Variants in NVL observed in about 807,000 individuals in gnomAD.
NVL encodes the protein nuclear valosin-containing protein-like.
Under a neutral mutation model 110.2 loss-of-function variants are expected in NVL, and 84 were observed. The ratio of observed to expected loss-of-function variants is 0.76; its 90% CI spans 0.64 to 0.91. NVL has a LOEUF of 0.91. Ranked by LOEUF, NVL falls within the 40% of genes least tolerant of loss-of-function variation. The pLI, the probability that NVL is intolerant of heterozygous loss-of-function variation, is 0.00. For missense variants in NVL, 882 were observed against 1,035.9 expected (o/e 0.85, Z 2.04); for synonymous variants, 354 against 361.1 (o/e 0.98, Z 0.22).
intron 5 of NVL, among the ~76,000 whole-genome samples, chr1:224,310,819 C>T (rs1040963942): frequency 1.6e-4 from 25 of 152,060 alleles, no homozygotes; most frequent in African/African-American, 6.0e-4. Flanking sequence ...CAGCCTCAAA[C>T]TCCTGGGCTC....
intron 12 of NVL, among the ~76,000 whole-genome samples, chr1:224,291,752 A>G (rs574518881): frequency 6.6e-6 from 1 of 152,366 alleles, no homozygotes; most frequent in East Asian, 1.9e-4. Flanking sequence ...TAAAGTTGAA[A>G]AACTATAAGC....
intron 13 of NVL, among the ~76,000 whole-genome samples, 191 bp from the exon 14 acceptor site, chr1:224,288,184 C>G (rs933908571): frequency 6.6e-6 from 1 of 152,076 alleles, no homozygotes; most frequent in African/African-American, 2.4e-5. Flanking sequence ...ATGCTCTGGT[C>G]AAGTAAAGAT....
At chr1:224,276,389 C>A (rs1162285681) in intron 16 of NVL, among the ~76,000 whole-genome samples, 1 of 152,066 alleles carries the variant, frequency 6.6e-6, no homozygotes, top group Non-Finnish European at 1.5e-5. Context: ...GGCATACCAC[C>A]ACTACCACCT....
At chr1:224,238,420 C>T (rs1022366464) in intron 19 of NVL, among the ~76,000 whole-genome samples, 2 of 152,174 alleles carry the variant, frequency 1.3e-5, no homozygotes, top group African/African-American at 4.8e-5. Flanking sequence ...CTGGAGCTGC[C>T]GGCCTTGTGC....
chr1:224,239,566 G>A (rs540205293), intron 19 of NVL, among the ~76,000 whole-genome samples: 1 of 152,236 alleles, frequency 6.6e-6, no homozygotes, highest in East Asian at 1.9e-4. Context: ...TCTTCCCTAA[G>A]GACACTCCGC....
intron 17 of NVL, among the ~76,000 whole-genome samples, chr1:224,274,779 C>G (rs1665583414): frequency 6.6e-6 from 1 of 152,160 alleles, no homozygotes; most frequent in African/African-American, 2.4e-5. Context: ...TTCTGGTACT[C>G]CGTACTGAAA....
chr1:224,286,011 G>C lies in NVL; in HGVS notation c.1899+15C>G. On this transcript the variant is annotated intron_variant, in intron 15 of 22. Coordinates refer to ENST00000281701, the MANE Select transcript of NVL (RefSeq NM_002533.4). ...ACTAAGAAATAAATTACATGCAATT[G>C]AACTTATATGATACCTTCGCCAGCA... 1 of 1,581,030 alleles carries C rather than the reference G, an allele frequency of 6.3e-7. No individual in the cohort carries two copies. The highest frequency in any genetic ancestry group is 8.7e-7 in the Non-Finnish European group (1 of 1,150,230).
At chr1:224,278,521 G>A (rs566472264) in intron 16 of NVL, among the ~76,000 whole-genome samples, 8 of 151,940 alleles carry the variant, frequency 5.3e-5, no homozygotes, top group South Asian at 4.2e-4. Flanking sequence ...GTGAGCCACC[G>A]CACCCAGCCC....
At chr1:224,229,229 G>T (rs1038603898) in intron 22 of NVL, among the ~76,000 whole-genome samples, 2 of 151,834 alleles carry the variant, frequency 1.3e-5, no homozygotes, top group African/African-American at 4.8e-5. Flanking sequence ...TCAGGAGGCA[G>T]AGGTTGTGGT....
chr1:224,233,075 A>C (rs1660072421), intron 21 of NVL, 126 bp downstream of exon 21: 6 of 703,722 alleles, frequency 8.5e-6, no homozygotes, highest in Non-Finnish European at 1.2e-5. Context: ...AGCTTCTAAC[A>C]GTCTTATTAG....
intron 19 of NVL, among the ~76,000 whole-genome samples, chr1:224,237,463 T>A (rs12565875): frequency 0.4 from 61,216 of 152,054 alleles, 13,817 homozygotes; most frequent in South Asian, 0.53. Flanking sequence ...GAATTTCTCA[T>A]GAGACTGGAT....
In NVL at chr1:224,313,778, G is replaced by A. The variant is rs926644016; in HGVS notation, c.285-1921C>T. Among the ~76,000 whole-genome samples the A allele has an allele frequency of 5.3e-5, 8 of 152,142 alleles. No individual in the cohort carries two copies. The East Asian group carries it at 7.7e-4, about 15-fold the overall frequency. On this transcript the variant is annotated intron_variant, in intron 4 of 22. Coordinates refer to ENST00000281701, the MANE Select transcript of NVL (RefSeq NM_002533.4). The stretch of plus-strand genomic sequence containing the variant: ...AGCACTTTGGGAGGCCAAGGTGGGC[G>A]GATCGCCTGAGGTCAGGAGTTCGAG...
chr1:224,310,809 C>T (rs564553691), intron 5 of NVL, among the ~76,000 whole-genome samples: 1 of 152,120 alleles, frequency 6.6e-6, no homozygotes, highest in African/African-American at 2.4e-5. Context: ...TAGCTCACCG[C>T]AGCCTCAAAC....
intron 19 of NVL, among the ~76,000 whole-genome samples, chr1:224,243,791 A>G (rs1467425619): frequency 2.0e-5 from 3 of 151,034 alleles, no homozygotes; most frequent in African/African-American, 7.3e-5. Flanking sequence ...TCTCCCAAGT[A>G]GCTGGGATTA....
intron 20 of NVL, among the ~76,000 whole-genome samples, chr1:224,234,387 AT>A (rs554105423): frequency 6.6e-6 from 1 of 152,062 alleles, no homozygotes; most frequent in Non-Finnish European, 1.5e-5. Flanking sequence ...TGAAAAATAA[AT>A]TTTTTTAAAA....
intron 1 of NVL, among the ~76,000 whole-genome samples, chr1:224,328,153 T>C (rs887830546): frequency 2.0e-5 from 3 of 152,114 alleles, no homozygotes; most frequent in Non-Finnish European, 2.9e-5. Context: ...ACAGGTGCCA[T>C]GGTGGTTTCC....
chr1:224,289,393 A>T (rs1440307190), intron 13 of NVL, 91 bp downstream of exon 13: 3 of 1,337,328 alleles, frequency 2.2e-6, no homozygotes, highest in Admixed American at 4.5e-5. Flanking sequence ...AACAGAAAGT[A>T]ATGAACCTCA....
At chr1:224,311,632 C>G (rs966098274) in intron 5 of NVL, among the ~76,000 whole-genome samples, 168 bp downstream of exon 5, 1 of 152,068 alleles carries the variant, frequency 6.6e-6, no homozygotes, top group Admixed American at 6.6e-5. Flanking sequence ...GTTGCCCAGG[C>G]TGGTCTCAAA....
chr1:224,311,998 T>C (rs1669573385), intron 4 of NVL, 141 bp from the exon 5 acceptor site: 1 of 633,188 alleles, frequency 1.6e-6, no homozygotes. Flanking sequence ...GAAACTAGGA[T>C]TCAAAATCCA....
Sources: allele counts gnomAD v4.1 joint callset (sites outside exome capture counted in the v4.1 genomes callset), GRCh38; gene constraint gnomAD v4.1.1; transcripts MANE v1.5; gene names NCBI Gene and HGNC (gene_info 2026-07-23, HGNC 2026-07-21).